The following NRG1 variants were observed in gnomAD, a reference collection of about 807,000 sequenced individuals.
The protein encoded by NRG1 is pro-neuregulin-1, membrane-bound isoform.
Under a neutral mutation model 63.8 loss-of-function variants are expected in NRG1, and 18 were observed. The ratio of observed to expected loss-of-function variants is 0.28; its 90% CI spans 0.19 to 0.42. NRG1 has a LOEUF of 0.42. Ranked by LOEUF, NRG1 falls within the 10% of genes least tolerant of loss-of-function variation. NRG1 has a pLI of 1.00. For missense variants in NRG1, 762 were observed against 814.7 expected, an observed-to-expected ratio of 0.94 and a Z score of 0.79; for synonymous variants, 302 against 301.3, an observed-to-expected ratio of 1.00 and a Z score of -0.02.
At chr8:32,200,477 C>G (rs1426782473) in intron 1 of NRG1, among the ~76,000 whole-genome samples, 1 of 152,100 alleles carries the variant, frequency 6.6e-6, no homozygotes. Context: ...TGCTCCACTT[C>G]CTCCCCACCC....
At chr8:31,870,724 T>C (rs1829403455) in intron 1 of NRG1, among the ~76,000 whole-genome samples, 1 of 152,196 alleles carries the variant, frequency 6.6e-6, no homozygotes, top group Non-Finnish European at 1.5e-5. Context: ...GAGAGGGTTT[T>C]ATTTTTTTGA....
chr8:32,711,017 A>C (rs1303179886), intron 5 of NRG1, among the ~76,000 whole-genome samples: 1 of 152,134 alleles, frequency 6.6e-6, no homozygotes, highest in East Asian at 1.9e-4. Context: ...ACATAGAGAA[A>C]TATTCAGATG....
chr8:32,495,683 G>A (rs1348267721), intron 1 of NRG1, among the ~76,000 whole-genome samples: 2 of 152,086 alleles, frequency 1.3e-5, no homozygotes, highest in African/African-American at 4.8e-5. Flanking sequence ...GGCTGGTCTC[G>A]AACCCTGACT....
At chr8:32,151,996 G>T (rs2131833063) in intron 1 of NRG1, among the ~76,000 whole-genome samples, 1 of 152,318 alleles carries the variant, frequency 6.6e-6, no homozygotes, top group African/African-American at 2.4e-5. Flanking sequence ...GTTAGGCGAA[G>T]TGCACAAAAT....
chr8:31,681,779 G>T (rs1808362438), intron 1 of NRG1, among the ~76,000 whole-genome samples: 1 of 151,086 alleles, frequency 6.6e-6, no homozygotes, highest in Admixed American at 6.6e-5. Flanking sequence ...CAGAATACTT[G>T]CTTGGAAAAT....
intron 6 of NRG1, among the ~76,000 whole-genome samples, chr8:32,738,880 C>T (rs1825730340): frequency 6.6e-6 from 1 of 152,196 alleles, no homozygotes; most frequent in Admixed American, 6.5e-5. Flanking sequence ...GTTGCTTGGG[C>T]ACTTGCAGTT....
intron 1 of NRG1, among the ~76,000 whole-genome samples, chr8:32,367,885 A>G (rs1225373348): frequency 6.6e-6 from 1 of 152,178 alleles, no homozygotes; most frequent in African/African-American, 2.4e-5. Context: ...ATTCTTCTAC[A>G]TATGGATGTC....
At chr8:32,216,765 C>G (rs138764491) in intron 1 of NRG1, among the ~76,000 whole-genome samples, 5 of 151,188 alleles carry the variant, frequency 3.3e-5, no homozygotes, top group Non-Finnish European at 7.4e-5. Context: ...ATAATGAGTT[C>G]TTTTTCCCTG....
intron 1 of NRG1, among the ~76,000 whole-genome samples, chr8:32,512,117 A>G (rs1334389765): frequency 2.0e-5 from 3 of 151,656 alleles, no homozygotes; most frequent in African/African-American, 7.3e-5. Flanking sequence ...GTAGGACAGA[A>G]GATGGTCCTT....
intron 1 of NRG1, among the ~76,000 whole-genome samples, chr8:31,751,843 A>G (rs1816503988): frequency 1.3e-5 from 2 of 151,994 alleles, no homozygotes; most frequent in African/African-American, 2.4e-5. Context: ...ACTCTGCATC[A>G]TATAATAAAA....
chr8:31,681,518 G>C (rs1401931291), intron 1 of NRG1, among the ~76,000 whole-genome samples: 7 of 151,870 alleles, frequency 4.6e-5, no homozygotes, highest in Non-Finnish European at 1.0e-4. Flanking sequence ...ATGAGTAATA[G>C]CAAGAGCTGC....
intron 1 of NRG1, among the ~76,000 whole-genome samples, chr8:31,950,062 G>GC (rs1446597179): frequency 1.3e-5 from 2 of 152,150 alleles, no homozygotes; most frequent in African/African-American, 4.8e-5. Context: ...CTTAGGTGGT[G>GC]CTTAATACAT....
At chr8:32,538,917 A>G (rs1832299558) in intron 1 of NRG1, among the ~76,000 whole-genome samples, 1 of 152,256 alleles carries the variant, frequency 6.6e-6, no homozygotes, top group Non-Finnish European at 1.5e-5. Flanking sequence ...AGGAATACAC[A>G]TATTCCACAG....
At chr8:32,006,466 G>A (rs1813786112) in intron 1 of NRG1, among the ~76,000 whole-genome samples, 1 of 152,054 alleles carries the variant, frequency 6.6e-6, no homozygotes, top group African/African-American at 2.4e-5. Flanking sequence ...AGTTGACCCT[G>A]AAAGGGTAGG....
At chr8:32,384,212 G>C (rs35310935) in intron 1 of NRG1, among the ~76,000 whole-genome samples, 52,037 of 152,032 alleles carry the variant, frequency 0.34, 9,396 homozygotes, top group Middle Eastern at 0.43. Flanking sequence ...ACTCCAGCCC[G>C]GGTGACAGAG....
chr8:32,684,091 G>A (rs561668891), intron 5 of NRG1, among the ~76,000 whole-genome samples: 14 of 152,208 alleles, frequency 9.2e-5, no homozygotes, highest in South Asian at 6.2e-4. Context: ...CAGCTACTCC[G>A]GGAGGCGGAG....
intron 1 of NRG1, among the ~76,000 whole-genome samples, chr8:32,337,464 T>A (rs1446951505): frequency 6.6e-6 from 1 of 151,628 alleles, no homozygotes; most frequent in Non-Finnish European, 1.5e-5. Flanking sequence ...TTTGTCTGTT[T>A]TATAAGTAGA....
At chr8:32,064,861 G>A (rs1014694490) in intron 1 of NRG1, among the ~76,000 whole-genome samples, 2 of 152,088 alleles carry the variant, frequency 1.3e-5, no homozygotes, top group Admixed American at 1.3e-4. Context: ...TATATTAGGT[G>A]TCCATTTTAA....
chr8:32,764,220 A>G (rs1421611119), exon 12 of NRG1: 5 of 1,614,040 alleles, frequency 3.1e-6, no homozygotes, highest in Middle Eastern at 1.6e-4. Context: ...AGAAGATGAA[A>G]GAGTAGGTGA....
Sources: allele counts gnomAD v4.1 joint callset (sites outside exome capture counted in the v4.1 genomes callset), GRCh38; gene constraint gnomAD v4.1.1; transcripts MANE v1.5; gene names NCBI Gene and HGNC (gene_info 2026-07-23, HGNC 2026-07-21).